NEGR1: variants seen among roughly 807,000 people sequenced by gnomAD.
NEGR1 encodes the protein neuronal growth regulator 1, also known as IgLON family member 4.
A neutral mutation model predicts 40.9 loss-of-function variants in NEGR1; 10 were observed. The ratio of observed to expected loss-of-function variants is 0.24; its 90% CI spans 0.15 to 0.42. The LOEUF (loss-of-function observed/expected upper bound fraction) is 0.42. Ranked by LOEUF, NEGR1 falls within the 10% of genes least tolerant of loss-of-function variation. The probability of loss-of-function intolerance (pLI) is 1.00; values close to 1 mark genes in which losing one functional copy is unlikely to be tolerated. For synonymous variants in NEGR1, 185 were observed against 166.8 expected (o/e 1.11, Z -0.84); for missense variants, 352 against 438.9 (o/e 0.80, Z 1.77).
chr1:72,095,200 C>A (rs1648652347), intron 1 of NEGR1, among the ~76,000 whole-genome samples: 1 of 152,008 alleles, frequency 6.6e-6, no homozygotes, highest in Admixed American at 6.5e-5. Context: ...TTAGTGGTGA[C>A]TTTTGATTAA....
intron 2 of NEGR1, among the ~76,000 whole-genome samples, chr1:71,781,342 G>A (rs1241072143): frequency 6.6e-6 from 1 of 152,162 alleles, no homozygotes; most frequent in Non-Finnish European, 1.5e-5. Flanking sequence ...TGCATGACCT[G>A]TGAGGTCAGG....
chr1:71,757,781 C>T (rs370047216), intron 3 of NEGR1, among the ~76,000 whole-genome samples: 5 of 151,984 alleles, frequency 3.3e-5, no homozygotes, highest in African/African-American at 9.7e-5. Flanking sequence ...AAACAGAATA[C>T]AAAATAAAAT....
At chr1:71,634,490 T>C (rs946397540) in intron 4 of NEGR1, among the ~76,000 whole-genome samples, 1 of 152,216 alleles carries the variant, frequency 6.6e-6, no homozygotes, top group Non-Finnish European at 1.5e-5. Context: ...CTCTTCCATA[T>C]TGTTATTATG....
chr1:71,426,088 T>C (rs1646426633), intron 6 of NEGR1, among the ~76,000 whole-genome samples: 1 of 152,162 alleles, frequency 6.6e-6, no homozygotes, highest in Non-Finnish European at 1.5e-5. Flanking sequence ...AGATAATGAG[T>C]AATGCCTTAG....
intron 6 of NEGR1, among the ~76,000 whole-genome samples, chr1:71,420,601 A>G (rs1333221399): frequency 6.6e-6 from 1 of 152,088 alleles, no homozygotes; most frequent in East Asian, 1.9e-4. Flanking sequence ...CCTTTGTCAA[A>G]GCATAACTAA....
At chr1:71,762,262 A>G (rs1402442050) in intron 3 of NEGR1, among the ~76,000 whole-genome samples, 1 of 148,608 alleles carries the variant, frequency 6.7e-6, no homozygotes, top group Non-Finnish European at 1.5e-5. Context: ...AGAAACAAAA[A>G]TGAGAGGCAA....
At chr1:72,085,231 C>T (rs535144297) in intron 1 of NEGR1, among the ~76,000 whole-genome samples, 2 of 152,180 alleles carry the variant, frequency 1.3e-5, no homozygotes, top group East Asian at 3.9e-4. Flanking sequence ...TATACATATG[C>T]AGATATATAG....
intron 4 of NEGR1, among the ~76,000 whole-genome samples, chr1:71,650,145 G>T (rs1651663502): frequency 6.6e-6 from 1 of 152,064 alleles, no homozygotes; most frequent in Non-Finnish European, 1.5e-5. Flanking sequence ...AAGATGAACT[G>T]CAGAAAAGCC....
chr1:72,145,898 T>G (rs1358603567), intron 1 of NEGR1, among the ~76,000 whole-genome samples: 2 of 152,140 alleles, frequency 1.3e-5, no homozygotes, highest in Non-Finnish European at 2.9e-5. Flanking sequence ...ATGGAAGAAC[T>G]CCATCTGCTG....
At chr1:71,682,547 TG>T (rs1411587542) in intron 4 of NEGR1, among the ~76,000 whole-genome samples, 1 of 150,434 alleles carries the variant, frequency 6.6e-6, no homozygotes, top group Non-Finnish European at 1.5e-5. Flanking sequence ...ATGAGGTTTT[TG>T]TTTTTGTTTT....
At chr1:72,227,268 G>C (rs886802348) in intron 1 of NEGR1, among the ~76,000 whole-genome samples, 6 of 152,022 alleles carry the variant, frequency 3.9e-5, no homozygotes, top group African/African-American at 1.4e-4. Flanking sequence ...TAAATAATGA[G>C]CATCAAATAG....
intron 3 of NEGR1, among the ~76,000 whole-genome samples, chr1:71,715,341 C>T (rs1282917951): frequency 2.0e-5 from 3 of 152,194 alleles, no homozygotes; most frequent in Non-Finnish European, 2.9e-5. Context: ...GCCCTGGAGA[C>T]GTTTTCCTCA....
intron 1 of NEGR1, among the ~76,000 whole-genome samples, chr1:72,216,394 T>TACACAC (rs1557582775): frequency 1.6e-4 from 22 of 139,506 alleles, no homozygotes; most frequent in African/African-American, 5.9e-4. Context: ...CATATATATA[T>TACACAC]ATATATACAT....
chr1:71,824,601 A>G (rs1424909016), intron 2 of NEGR1, among the ~76,000 whole-genome samples: 2 of 151,954 alleles, frequency 1.3e-5, no homozygotes, highest in East Asian at 3.9e-4. Flanking sequence ...ACAACTGTAA[A>G]CTATTGTGTA....
chr1:72,064,571 A>G (rs1647231081), intron 1 of NEGR1, among the ~76,000 whole-genome samples: 1 of 152,046 alleles, frequency 6.6e-6, no homozygotes, highest in Non-Finnish European at 1.5e-5. Context: ...GTGTCCAAAT[A>G]CAGTCCTTGT....
At chr1:72,180,338 TA>T (rs1193719513) in intron 1 of NEGR1, among the ~76,000 whole-genome samples, 2 of 150,184 alleles carry the variant, frequency 1.3e-5, no homozygotes, top group Non-Finnish European at 3.0e-5. Context: ...GACCCAAACA[TA>T]AAACCAAAAA....
At position 71,445,387 on chromosome 1, in the gene NEGR1, T is replaced by A. The variant is rs572706648; in HGVS notation, c.941-37817A>T. Among the ~76,000 whole-genome samples the A allele has an allele frequency of 4.7e-3, 703 of 150,976 alleles. 8 individuals are homozygous for A. The highest frequency in any genetic ancestry group is 0.016 in the African/African-American group (659 of 41,020). On this transcript the variant is annotated intron_variant, in intron 6 of 6. Coordinates refer to ENST00000357731, the MANE Select transcript of NEGR1 (RefSeq NM_173808.3). ...TAGTGGGACAATATAGTTAGAAAAA[T>A]TTGGAATTTTCTATGGAGCCCTAGA...
chr1:71,574,050 A>G (rs1648885372), intron 6 of NEGR1, among the ~76,000 whole-genome samples: 1 of 152,194 alleles, frequency 6.6e-6, no homozygotes, highest in Non-Finnish European at 1.5e-5. Context: ...TAAAAAGTAA[A>G]TGCTTTTATT....
At chr1:72,130,845 G>T (rs1650220539) in intron 1 of NEGR1, among the ~76,000 whole-genome samples, 1 of 151,990 alleles carries the variant, frequency 6.6e-6, no homozygotes, top group Non-Finnish European at 1.5e-5. Context: ...AATCATTCCT[G>T]TTAATGAGTA....
Sources: allele counts gnomAD v4.1 joint callset (sites outside exome capture counted in the v4.1 genomes callset), GRCh38; gene constraint gnomAD v4.1.1; transcripts MANE v1.5; gene names NCBI Gene and HGNC (gene_info 2026-07-23, HGNC 2026-07-21).